GTF3C1: variants seen among roughly 807,000 people sequenced by gnomAD.
The protein encoded by GTF3C1 is general transcription factor 3C polypeptide 1.
Under a neutral mutation model 226.7 loss-of-function variants are expected in GTF3C1, and 57 were observed. The observed-to-expected ratio is 0.25, with a 90% CI of 0.20 to 0.31. GTF3C1 has a LOEUF of 0.31. Among genes scored for constraint, GTF3C1 ranks in the 10% least tolerant of loss-of-function variants. The pLI is 1.00. For synonymous variants in GTF3C1, 1,090 were observed against 1,084.8 expected (o/e 1.00, Z -0.09); for missense variants, 2,217 against 2,776.1 (o/e 0.80, Z 4.53).
chr16:27,537,397 T>A (rs2089017602), intron 4 of GTF3C1, among the ~76,000 whole-genome samples: 1 of 152,196 alleles, frequency 6.6e-6, no homozygotes, highest in South Asian at 2.1e-4. Context: ...ATAGTCATAT[T>A]CTAATTTGGC....
chr16:27,531,833 A>T (rs1218242869), intron 5 of GTF3C1, among the ~76,000 whole-genome samples: 1 of 152,192 alleles, frequency 6.6e-6, no homozygotes, highest in Non-Finnish European at 1.5e-5. Context: ...TTTGTTTATT[A>T]AGCCGGTAGG....
chr16:27,526,393 C>T (rs374062212), intron 6 of GTF3C1, among the ~76,000 whole-genome samples: 2 of 152,198 alleles, frequency 1.3e-5, no homozygotes, highest in African/African-American at 2.4e-5. Flanking sequence ...CCAGCTTGGT[C>T]TCCTATCTCT....
intron 28 of GTF3C1, among the ~76,000 whole-genome samples, chr16:27,477,998 C>G (rs1202632339): frequency 2.0e-5 from 3 of 152,030 alleles, no homozygotes; most frequent in African/African-American, 7.3e-5. Flanking sequence ...GGCAAAACCC[C>G]GTCTCTACTA....
In GTF3C1 at chr16:27,494,847, G is replaced by A. The variant is rs74016085; in HGVS notation, c.2694C>T (p.Phe898=). 6.3e-4 allele frequency: 1,008 copies of A among 1,612,470 alleles called. 8 individuals carry two copies. In the African/African-American group the frequency reaches 0.012, roughly 19 times the overall value. ...CGCTGACGAGAGCCCAGCCAAAGCC[G>A]AAGTCCCTGTGGACTGGGATTGGGG... The part of the protein sequence containing the change: ...YIPPIPVHRD[F]GFGWALVSDI... Residue 898 remains phenylalanine (F), a synonymous_variant, in exon 16 of 37, where the codon TTC becomes TTT. Coordinates refer to ENST00000356183, the MANE Select transcript of GTF3C1 (RefSeq NM_001520.4).
chr16:27,470,386 C>G lies in GTF3C1; in HGVS notation c.4536G>C (p.Thr1512=). The stretch of plus-strand genomic sequence containing the variant: ...TGCAGATGGTGCTTGGAAATCGCCA[C>G]GTAAAAATCCTACAGACAAAAAGAA... ...QLSQTYYRIF[T]WRFPSTICTE... is the part of the protein sequence containing the mutation. The change falls in exon 31 of 37, where the codon ACG becomes ACC. Residue 1512 remains threonine, a synonymous_variant. Coordinates refer to ENST00000356183, the MANE Select transcript of GTF3C1 (RefSeq NM_001520.4). The surrounding 1 kb of genome is among the most constrained non-coding windows in gnomAD (Gnocchi z 4.9). The G allele has an allele frequency of 1.2e-6, 2 of 1,612,482 alleles. No individual in the cohort carries two copies. The highest frequency in any genetic ancestry group is 1.1e-5 in the South Asian group (1 of 90,838).
chr16:27,470,367 T>C lies in GTF3C1; in HGVS notation c.4555A>G (p.Ile1519Val), dbSNP rs746580351. 2.2e-5 allele frequency: 35 copies of C among 1,613,820 alleles called. No individual in the cohort carries two copies. The highest frequency in any genetic ancestry group is 2.9e-5 in the Non-Finnish European group (34 of 1,179,884). ...RIFTWRFPST[I>V]CTESFQFLDR... ...AAAAACTGGAATGACTCCGTGCAGA[T>C]GGTGCTTGGAAATCGCCACGTAAAA... is the stretch of plus-strand genomic sequence containing the variant. Residue 1519 changes from isoleucine (I) to valine (V), a missense_variant, in exon 31 of 37, where the codon ATC (isoleucine) becomes GTC (valine). By Grantham distance (29) the Ile-to-Val change is conservative (BLOSUM62 3). This residue lies in a region of GTF3C1 where 546 missense variants were observed against 663.0 expected (regional missense o/e 0.82). Coordinates refer to ENST00000356183, the MANE Select transcript of GTF3C1 (RefSeq NM_001520.4). This position sits in a 1 kb window ranked among gnomAD's most constrained non-coding sequence, Gnocchi z 4.9.
rs1487287096 is a variant in GTF3C1 at position 27,489,171 on chromosome 16, G to A, written c.3301C>T (p.Arg1101Cys). The part of the protein sequence containing the change: ...CAMLEYTTGS[R>C]EVVDEGLIPG... ...ATCAAGCCTTCATCCACCACCTCACGGCTTCCACTAAAAGACAGGAAATCA... is the reference window on the plus strand; with the variant it reads ...ATCAAGCCTTCATCCACCACCTCACAGCTTCCACTAAAAGACAGGAAATCA... The change falls in exon 21 of 37, where the codon CGT (arginine) becomes TGT (cysteine). Residue 1101 changes from arginine to cysteine, a missense_variant. Arg to Cys is a radical substitution (Grantham distance 180, BLOSUM62 -3). This residue lies in a region of GTF3C1 where 353 missense variants were observed against 411.7 expected (regional missense o/e 0.86). Transcript: ENST00000356183. 12 of 1,613,914 alleles carry A rather than the reference G, an allele frequency of 7.4e-6. No individual in the cohort carries two copies. Among genetic ancestry groups the A allele is most frequent in the South Asian group, 5.5e-5 (5 of 91,086 alleles).
At chr16:27,512,672 GA>G (rs1443907246) in intron 6 of GTF3C1, among the ~76,000 whole-genome samples, 1 of 152,030 alleles carries the variant, frequency 6.6e-6, no homozygotes, top group Non-Finnish European at 1.5e-5. Flanking sequence ...TAAAACATGC[GA>G]AAAAAATAAC....
chr16:27,521,306 A>G (rs1341157442), intron 6 of GTF3C1, among the ~76,000 whole-genome samples: 2 of 152,204 alleles, frequency 1.3e-5, no homozygotes, highest in African/African-American at 4.8e-5. Context: ...GGCATCAGCT[A>G]GCTACACCTT....
rs1596641622 is a variant in GTF3C1, at chr16:27,507,647, T to C, written c.1243-491A>G. On this transcript the variant is annotated intron_variant, in intron 8 of 36. Transcript: ENST00000356183. The surrounding 1 kb of genome is among the most constrained non-coding windows in gnomAD (Gnocchi z 4.9). The stretch of plus-strand genomic sequence containing the variant: ...AAGGGGCTCTTCCCAGGGCCTTTGA[T>C]AGGAAAAGAGTAACATCTAGGTACT... Among the ~76,000 whole-genome samples the C allele has an allele frequency of 6.6e-6, 1 of 152,204 alleles. No homozygotes were observed. The highest frequency in any genetic ancestry group is 2.4e-5 in the African/African-American group (1 of 41,460).
At chr16:27,511,576 C>T (rs919587064) in intron 7 of GTF3C1, among the ~76,000 whole-genome samples, 173 bp downstream of exon 7, 28 of 152,292 alleles carry the variant, frequency 1.8e-4, no homozygotes, top group Admixed American at 1.5e-3. Context: ...AGTGGCAGAG[C>T]AAGGATTCAA....
At chr16:27,511,696 T>C (rs1264354930) in intron 7 of GTF3C1, 53 bp downstream of exon 7, 11 of 1,594,388 alleles carry the variant, frequency 6.9e-6, no homozygotes, top group Non-Finnish European at 9.4e-6. Context: ...AAAGCGCTTC[T>C]TGACTCAAAT....
rs1166331616 is a variant in GTF3C1, at chr16:27,545,444, G to A, written c.301C>T (p.His101Tyr). The A allele has an allele frequency of 6.2e-7, 1 of 1,611,236 alleles. No homozygotes were observed. Among genetic ancestry groups the A allele is most frequent in the Non-Finnish European group, 8.5e-7 (1 of 1,177,466 alleles). ...PVALEDVYPI[H>Y]MILENKDGIQ... ...CCATCCTTATTCTCTAAGATCATAT[G>A]AATGGGGTAGACATCCTCCAAAGCC... The change falls in exon 2 of 37, where the codon CAT becomes TAT. Residue 101 changes from histidine to tyrosine, a missense_variant. His to Tyr is a moderately conservative substitution (Grantham distance 83). Transcript: ENST00000356183.
intron 12 of GTF3C1, 28 bp downstream of exon 12, chr16:27,501,163 T>A: frequency 3.1e-6 from 5 of 1,590,522 alleles, no homozygotes; most frequent in Non-Finnish European, 2.6e-6. Flanking sequence ...CGAGGCTGGC[T>A]CTGGGCATCG....
intron 6 of GTF3C1, among the ~76,000 whole-genome samples, chr16:27,516,794 G>A (rs545494819): frequency 2.8e-4 from 43 of 152,076 alleles, no homozygotes; most frequent in Non-Finnish European, 5.0e-4. Context: ...CACCATGCTC[G>A]GATCTTTTTT....
rs140945579 is a variant in GTF3C1 at position 27,548,986 on chromosome 16, C to T, written c.221+684G>A. Among the ~76,000 whole-genome samples the T allele has an allele frequency of 6.9e-3, 1,057 of 152,130 alleles. 16 individuals carry two copies. The highest frequency in any genetic ancestry group is 0.024 in the African/African-American group (1,004 of 41,494). On this transcript the variant is annotated intron_variant, in intron 1 of 36. Coordinates refer to ENST00000356183, the MANE Select transcript of GTF3C1 (RefSeq NM_001520.4). ...CTGGCCAACATGATGACACCCCATA[C>T]CTACTAAAAATGCAAAAATTAGCCG... is the stretch of plus-strand genomic sequence containing the variant.
chr16:27,541,067 C>G (rs2089074342), intron 2 of GTF3C1, among the ~76,000 whole-genome samples: 1 of 152,166 alleles, frequency 6.6e-6, no homozygotes, highest in African/African-American at 2.4e-5. Flanking sequence ...TCTTGAACTC[C>G]TGGCCTCAAG....
intron 2 of GTF3C1, among the ~76,000 whole-genome samples, chr16:27,541,216 TAC>T (rs1230753368): frequency 2.6e-5 from 4 of 152,148 alleles, no homozygotes; most frequent in Non-Finnish European, 5.9e-5. Flanking sequence ...GCTGCACGGT[TAC>T]AGAGGCATGA....
chr16:27,533,151 C>A, intron 5 of GTF3C1, 140 bp downstream of exon 5: 1 of 532,558 alleles, frequency 1.9e-6, no homozygotes, highest in Non-Finnish European at 3.4e-6. Context: ...AAGAAAAAAA[C>A]AGCAAACAAA....
Sources: allele counts gnomAD v4.1 joint callset (sites outside exome capture counted in the v4.1 genomes callset), GRCh38; gene constraint gnomAD v4.1.1; regional missense constraint gnomAD v4.1.1; non-coding constraint Gnocchi (gnomAD v3.1); transcripts MANE v1.5; gene names NCBI Gene and HGNC (gene_info 2026-07-23, HGNC 2026-07-21).